GSG1L: variants seen among roughly 807,000 people sequenced by gnomAD.
GSG1L encodes the protein germ cell-specific gene 1-like protein.
Under a neutral mutation model 42.1 loss-of-function variants are expected in GSG1L, and 24 were observed. That is an observed-to-expected ratio of 0.57 (90% CI 0.41 to 0.80). The LOEUF is 0.80. Ranked by LOEUF, GSG1L falls within the 30% of genes least tolerant of loss-of-function variation. GSG1L has a pLI of 0.00. For synonymous variants in GSG1L, 215 were observed against 203.5 expected, an observed-to-expected ratio of 1.06 and a Z score of -0.48; for missense variants, 445 against 472.2, an observed-to-expected ratio of 0.94 and a Z score of 0.53.
At chr16:27,955,323 A>C (rs2084991601) in intron 2 of GSG1L, among the ~76,000 whole-genome samples, 1 of 152,180 alleles carries the variant, frequency 6.6e-6, no homozygotes, top group Admixed American at 6.5e-5. Context: ...ATGACTGTAG[A>C]AATGTTAAAA....
chr16:27,927,656 T>G (rs1232749827), intron 2 of GSG1L, among the ~76,000 whole-genome samples: 1 of 152,164 alleles, frequency 6.6e-6, no homozygotes, highest in Non-Finnish European at 1.5e-5. Context: ...CTACCTTAGT[T>G]GGCTCCCACC....
Position 27,931,859 on chromosome 16 carries a change from T to C in GSG1L, c.397+31297A>G, listed in dbSNP as rs367624953. ...GCAGTGTGGAGAATCAGGCGGGTGT[T>C]GGGTTAGGTATAGACACAGCCACAT... On this transcript the variant is annotated intron_variant, in intron 2 of 6. Coordinates refer to ENST00000447459, the MANE Select transcript of GSG1L (RefSeq NM_001109763.2). 2.0e-5 allele frequency among the ~76,000 whole-genome samples: 3 copies of C among 152,196 alleles called. No individual in the cohort carries two copies. The East Asian group carries it at 5.8e-4, about 29-fold the overall frequency.
At chr16:28,013,794 A>T (rs2141158809) in intron 1 of GSG1L, among the ~76,000 whole-genome samples, 1 of 152,346 alleles carries the variant, frequency 6.6e-6, no homozygotes, top group Middle Eastern at 3.4e-3. Flanking sequence ...GGCATTGCAG[A>T]CACCCAGGCC....
At chr16:27,840,047 T>C (rs8045266) in intron 4 of GSG1L, among the ~76,000 whole-genome samples, 56,014 of 149,326 alleles carry the variant, frequency 0.38, 10,852 homozygotes, top group African/African-American at 0.45. Flanking sequence ...TTTTTTTTTT[T>C]TTTTTTGAGA....
intron 3 of GSG1L, among the ~76,000 whole-genome samples, chr16:27,857,713 T>C (rs1418920976): frequency 2.0e-5 from 3 of 152,074 alleles, no homozygotes; most frequent in African/African-American, 7.2e-5. Context: ...GAGACTTCTT[T>C]CTCTCCATCT....
At chr16:27,983,692 A>G (rs1172344696) in intron 1 of GSG1L, among the ~76,000 whole-genome samples, 1 of 152,104 alleles carries the variant, frequency 6.6e-6, no homozygotes, top group Non-Finnish European at 1.5e-5. Context: ...GGCTCAAGCA[A>G]TCCTCCCTCC....
intron 2 of GSG1L, among the ~76,000 whole-genome samples, chr16:27,898,341 C>A (rs1212803205): frequency 2.1e-5 from 3 of 146,302 alleles, no homozygotes; most frequent in Non-Finnish European, 1.5e-5. Flanking sequence ...CCCCAAAAGC[C>A]CCACCCGCCC....
intron 1 of GSG1L, among the ~76,000 whole-genome samples, chr16:28,054,976 C>T (rs187643285): frequency 6.6e-6 from 1 of 152,218 alleles, no homozygotes; most frequent in African/African-American, 2.4e-5. Context: ...GGTTGCCCAG[C>T]CCCCGCAGGC....
chr16:27,803,478 C>G (rs1178553511), intron 6 of GSG1L, among the ~76,000 whole-genome samples: 1 of 152,088 alleles, frequency 6.6e-6, no homozygotes, highest in Non-Finnish European at 1.5e-5. Context: ...CTTAGTCTCT[C>G]TTCCTCACTC....
At chr16:27,888,442 TTCTTTCTTTCTTTCTTTCTTTCTCTCTC>T (rs1368130810) in intron 2 of GSG1L, among the ~76,000 whole-genome samples, 1 of 35,370 alleles carries the variant, frequency 2.8e-5, no homozygotes, top group Non-Finnish European at 7.0e-5. Context: ...CTTTCTTTCT[TTCTTTCTTTCTTTCTTTCTTTCTCTCTC>T]TCTCTCTCTT....
At chr16:27,843,016 C>A (rs1340359833) in intron 4 of GSG1L, among the ~76,000 whole-genome samples, 1 of 152,234 alleles carries the variant, frequency 6.6e-6, no homozygotes, top group Admixed American at 6.5e-5. Context: ...ATCTACATCA[C>A]AGCACAGTTC....
Position 27,947,573 on chromosome 16 carries a change from GAAAGAAAGAAAGAAAGAAAGAAAGAA to G in GSG1L, c.397+15557_397+15582del, listed in dbSNP as rs1567530857. Among the ~76,000 whole-genome samples, 918 of 92,014 alleles carry G rather than the reference GAAAGAAAGAAAGAAAGAAAGAAAGAA, an allele frequency of 1.0e-2. 9 individuals carry two copies. The highest frequency in any genetic ancestry group is 0.03 in the African/African-American group (815 of 26,904). 60.4% of individuals were successfully genotyped at this position (92,014 alleles called of 152,430 possible). On this transcript the variant is annotated intron_variant, in intron 2 of 6. Transcript: ENST00000447459. ...AGAAAGAAAGAAAGAAAGAAAGAAA[GAAAGAAAGAAAGAAAGAAAGAAAGAA>G]AAAGAAAGAAAGAAAAAGAAAAGTT...
chr16:27,927,240 C>G (rs1053592533), intron 2 of GSG1L, among the ~76,000 whole-genome samples: 1 of 152,100 alleles, frequency 6.6e-6, no homozygotes, highest in Non-Finnish European at 1.5e-5. Context: ...GCCTCGACTT[C>G]CCAGGCTCAA....
chr16:28,063,492 C>T lies in GSG1L; in HGVS notation c.-68G>A. 1.3e-5 allele frequency: 13 copies of T among 1,038,114 alleles called. No homozygotes were observed. The highest frequency in any genetic ancestry group is 1.5e-5 in the Non-Finnish European group (13 of 842,484). 64.3% of individuals were successfully genotyped at this position (1,038,114 alleles called of 1,614,324 possible). A position where few individuals can be genotyped will look rare whatever the true frequency, so the allele number is the denominator to read the frequency against. ...CCGCGCGCGAAGTTGGCAGCTGGCG[C>T]CCCGCGTCAGCGGCCGCTGCCCGCC... On this transcript the variant is annotated 5_prime_UTR_variant, in exon 1 of 7. Transcript: ENST00000447459. The surrounding 1 kb of genome is among the most constrained non-coding windows in gnomAD (Gnocchi z 5.8).
chr16:27,914,186 T>C (rs1490430046), intron 2 of GSG1L, among the ~76,000 whole-genome samples: 2 of 152,206 alleles, frequency 1.3e-5, no homozygotes, highest in East Asian at 1.9e-4. Context: ...TCGTTGACAA[T>C]ATGAAATATT....
chr16:28,033,054 G>T (rs2085985745), intron 1 of GSG1L, among the ~76,000 whole-genome samples: 1 of 152,164 alleles, frequency 6.6e-6, no homozygotes, highest in African/African-American at 2.4e-5. Context: ...AGCCAATGAG[G>T]TTCTGCACAC....
At chr16:27,803,433 C>T (rs770114768) in intron 6 of GSG1L, among the ~76,000 whole-genome samples, 12 of 152,152 alleles carry the variant, frequency 7.9e-5, no homozygotes, top group African/African-American at 1.4e-4. Flanking sequence ...GCAGGCTCGA[C>T]GCTGTGCCTT....
chr16:27,813,069 C>T (rs1331337093), intron 5 of GSG1L, among the ~76,000 whole-genome samples: 2 of 152,106 alleles, frequency 1.3e-5, no homozygotes, highest in African/African-American at 2.4e-5. Flanking sequence ...TGTGAGCCAC[C>T]GCACCCGGCC....
chr16:27,876,987 T>C (rs2083896090), intron 3 of GSG1L, among the ~76,000 whole-genome samples: 1 of 152,252 alleles, frequency 6.6e-6, no homozygotes, highest in African/African-American at 2.4e-5. Context: ...AGCCCACAGT[T>C]AGCTGGACTG....
Sources: gnomAD v4.1 joint callset for allele counts (sites outside exome capture counted in the v4.1 genomes callset) on GRCh38, gnomAD v4.1.1 for gene constraint, Gnocchi (gnomAD v3.1) non-coding constraint, MANE v1.5 for transcripts, NCBI Gene and HGNC (gene_info 2026-07-23, HGNC 2026-07-21) for gene names.